The following MGAT4C variants were observed in gnomAD, a reference collection of about 807,000 sequenced individuals.
The protein encoded by MGAT4C is MGAT4 family member C.
MGAT4C carries 19 observed loss-of-function variants against 40.1 expected under a neutral mutation model. The observed-to-expected ratio is 0.47, with a 90% CI of 0.33 to 0.70. MGAT4C has a LOEUF of 0.70. Among genes scored for constraint, MGAT4C ranks in the 30% least tolerant of loss-of-function variants. MGAT4C has a pLI of 0.02. For synonymous variants in MGAT4C, 181 were observed against 187.1 expected (o/e 0.97, Z 0.27); for missense variants, 491 against 563.2 (o/e 0.87, Z 1.30).
At chr12:86,369,318 AG>A (rs1228840710) in intron 3 of MGAT4C, among the ~76,000 whole-genome samples, 2 of 151,854 alleles carry the variant, frequency 1.3e-5, no homozygotes, top group Non-Finnish European at 2.9e-5. Context: ...TTAATTTGTT[AG>A]TTTATTTACA....
At chr12:86,144,280 C>G (rs1566046453) in intron 1 of MGAT4C, among the ~76,000 whole-genome samples, 1 of 152,064 alleles carries the variant, frequency 6.6e-6, no homozygotes, top group Non-Finnish European at 1.5e-5. Flanking sequence ...AATAAATATT[C>G]TTTATTTTAG....
chr12:85,987,351 A>G (rs1035965237), intron 3 of MGAT4C, among the ~76,000 whole-genome samples: 1 of 151,146 alleles, frequency 6.6e-6, no homozygotes, highest in Non-Finnish European at 1.5e-5. Flanking sequence ...TTTAGCCGGG[A>G]TGGTCTCGAT....
At position 86,608,681 on chromosome 12, in the gene MGAT4C, T is replaced by C. The variant is rs892517400; in HGVS notation, c.-229+118528A>G. Among the ~76,000 whole-genome samples the C allele has an allele frequency of 5.9e-5, 9 of 151,952 alleles. No homozygotes were observed. The East Asian group carries it at 1.7e-3, about 29-fold the overall frequency. On this transcript the variant is annotated intron_variant, in intron 2 of 7. Transcript: ENST00000548651. ...ATAGACTTATTTTCATAAAATGTACTGCAATATTTTAAATAAACCAGTATG... is the reference window on the plus strand; with the variant it reads ...ATAGACTTATTTTCATAAAATGTACCGCAATATTTTAAATAAACCAGTATG...
chr12:86,593,678 A>T (rs559377329), intron 2 of MGAT4C, among the ~76,000 whole-genome samples: 5 of 152,218 alleles, frequency 3.3e-5, no homozygotes, highest in African/African-American at 1.2e-4. Context: ...TAAGTTTCCT[A>T]TATTGATTTC....
chr12:86,371,991 G>A (rs1955723878), intron 3 of MGAT4C, among the ~76,000 whole-genome samples: 2 of 151,468 alleles, frequency 1.3e-5, no homozygotes, highest in South Asian at 4.2e-4. Context: ...GTACTTCAAA[G>A]TTAATGAAGA....
intron 3 of MGAT4C, among the ~76,000 whole-genome samples, chr12:86,347,092 C>G (rs1955052453): frequency 6.6e-6 from 1 of 152,132 alleles, no homozygotes; most frequent in Non-Finnish European, 1.5e-5. Context: ...GACTGATCCA[C>G]CACTGGCCTC....
chr12:86,517,427 T>G (rs1005647617), intron 2 of MGAT4C, among the ~76,000 whole-genome samples: 3 of 152,114 alleles, frequency 2.0e-5, no homozygotes, highest in African/African-American at 4.8e-5. Flanking sequence ...TATTACTATC[T>G]TTGGTGCTGT....
chr12:86,149,565 C>T (rs185612256), intron 1 of MGAT4C, among the ~76,000 whole-genome samples: 13 of 152,238 alleles, frequency 8.5e-5, no homozygotes, highest in African/African-American at 2.6e-4. Context: ...TATACAGCGC[C>T]TAGTAACATT....
intron 2 of MGAT4C, among the ~76,000 whole-genome samples, chr12:86,670,005 A>G (rs1222324317): frequency 6.6e-6 from 1 of 152,132 alleles, no homozygotes; most frequent in African/African-American, 2.4e-5. Flanking sequence ...GGCAAGGGAA[A>G]GGGAAAGAAA....
chr12:86,393,282 C>T, intron 3 of MGAT4C, among the ~76,000 whole-genome samples: 1 of 152,082 alleles, frequency 6.6e-6, no homozygotes, highest in East Asian at 1.9e-4. Context: ...ACTTTTCCTA[C>T]AGCATTTGAT....
At chr12:86,558,577 A>G (rs1180359618) in intron 2 of MGAT4C, among the ~76,000 whole-genome samples, 1 of 152,078 alleles carries the variant, frequency 6.6e-6, no homozygotes. Flanking sequence ...AAGAAGAAAT[A>G]AAATTTTTCC....
chr12:86,266,194 G>T (rs1952783263), intron 4 of MGAT4C, among the ~76,000 whole-genome samples: 1 of 152,158 alleles, frequency 6.6e-6, no homozygotes, highest in Admixed American at 6.5e-5. Context: ...TGTGGTGCAA[G>T]CGGGCATTCT....
chr12:86,805,175 A>G (rs1355243214), intron 1 of MGAT4C, among the ~76,000 whole-genome samples: 1 of 151,964 alleles, frequency 6.6e-6, no homozygotes, highest in African/African-American at 2.4e-5. Context: ...AATTGTCTTG[A>G]TTACTAGTGG....
At chr12:86,830,396 A>G (rs1952898153) in intron 1 of MGAT4C, among the ~76,000 whole-genome samples, 1 of 151,654 alleles carries the variant, frequency 6.6e-6, no homozygotes, top group African/African-American at 2.4e-5. Context: ...GGCTGTATGT[A>G]TTGGTCTCTA....
chr12:86,051,798 T>G (rs965943427), intron 1 of MGAT4C, among the ~76,000 whole-genome samples: 12 of 151,290 alleles, frequency 7.9e-5, no homozygotes, highest in African/African-American at 2.9e-4. Context: ...ATAATAGATA[T>G]AATTTAGTTG....
chr12:85,988,287 T>A (rs1885474026), intron 3 of MGAT4C, among the ~76,000 whole-genome samples: 1 of 152,212 alleles, frequency 6.6e-6, no homozygotes, highest in Non-Finnish European at 1.5e-5. Flanking sequence ...AGAACAGAGA[T>A]AAAGGATGCA....
Position 86,734,062 on chromosome 12 carries a change from C to A in MGAT4C, c.-261-6821G>T, listed in dbSNP as rs544339108. 3.3e-5 allele frequency among the ~76,000 whole-genome samples: 5 copies of A among 152,092 alleles called. No homozygotes were observed. The South Asian group carries it at 1.0e-3, about 32-fold the overall frequency. ...TAGGATGGGAATATGTAGGATCTGG[C>A]AACAAGTTATTAATTGGTGACATAG... is the stretch of plus-strand genomic sequence containing the variant. On this transcript the variant is annotated intron_variant, in intron 1 of 7. Transcript: ENST00000548651.
At chr12:86,162,683 T>C (rs1388413776) in intron 1 of MGAT4C, among the ~76,000 whole-genome samples, 1 of 152,154 alleles carries the variant, frequency 6.6e-6, no homozygotes, top group East Asian at 1.9e-4. Context: ...TTATAAAGCC[T>C]TTAATATGTC....
chr12:86,733,284 G>T (rs1260177458), intron 1 of MGAT4C, among the ~76,000 whole-genome samples: 1 of 151,974 alleles, frequency 6.6e-6, no homozygotes, highest in Non-Finnish European at 1.5e-5. Flanking sequence ...ATTATTTCTG[G>T]AACAGTGTAA....
Sources: gnomAD v4.1 joint callset for allele counts (sites outside exome capture counted in the v4.1 genomes callset) on GRCh38, gnomAD v4.1.1 for gene constraint, MANE v1.5 for transcripts, NCBI Gene and HGNC (gene_info 2026-07-23, HGNC 2026-07-21) for gene names.